Variants in DCTN5 observed in about 807,000 individuals in gnomAD.
DCTN5 encodes dynactin 4.
DCTN5 carries 14 observed loss-of-function variants against 23.5 expected under a neutral mutation model. The observed-to-expected ratio is 0.60, with a 90% CI of 0.39 to 0.93. The LOEUF (loss-of-function observed/expected upper bound fraction) is 0.93, where lower values mean the gene tolerates loss of function less well. DCTN5 is among the 40% of genes least tolerant of loss of function. DCTN5 has a pLI of 0.00. For missense variants in DCTN5, 156 were observed against 225.9 expected (o/e 0.69, Z 1.98); for synonymous variants, 67 against 79.6 (o/e 0.84, Z 0.84).
At chr16:23,645,137 A>ATATTT (rs1555462995) in intron 2 of DCTN5, among the ~76,000 whole-genome samples, 4 of 30,798 alleles carry the variant, frequency 1.3e-4, no homozygotes, top group Non-Finnish European at 1.7e-4. Context: ...ATATATATAT[A>ATATTT]TTTTTTTTTT....
intron 4 of DCTN5, among the ~76,000 whole-genome samples, chr16:23,664,862 A>G (rs1967876854): frequency 6.6e-6 from 1 of 152,248 alleles, no homozygotes; most frequent in Admixed American, 6.5e-5. Context: ...AAACCAACCA[A>G]CCAACCTTAA....
At position 23,672,375 on chromosome 16, in the gene DCTN5, T is replaced by C. The variant is rs1319627918; in HGVS notation, c.*5231T>C. The C allele has an allele frequency of 6.6e-6, 1 of 152,218 alleles. No homozygotes were observed. Among genetic ancestry groups the C allele is most frequent in the Non-Finnish European group, 1.5e-5 (1 of 68,040 alleles). 9.4% of individuals were successfully genotyped at this position (152,218 alleles called of 1,614,324 possible). A position where few individuals can be genotyped will look rare whatever the true frequency, so the allele number is the denominator to read the frequency against. On this transcript the variant is annotated 3_prime_UTR_variant, in exon 6 of 6. Coordinates refer to ENST00000300087, the MANE Select transcript of DCTN5 (RefSeq NM_032486.4). ...ATAATGGGCACTTTATCCCATTTTA[T>C]AAACATGGAAATTGAGGCACAGAGA... is the stretch of plus-strand genomic sequence containing the variant.
At position 23,667,084 on chromosome 16, in the gene DCTN5, G is replaced by A; in HGVS notation, c.489G>A (p.Glu163=). 6.2e-7 allele frequency: 1 copy of A among 1,613,578 alleles called. No individual in the cohort carries two copies. The highest frequency in any genetic ancestry group is 8.5e-7 in the Non-Finnish European group (1 of 1,180,026). ...GGGAGCTCCCGGAGTGCACTCAGGA[G>A]CTGATGATTGACGTCACCAAGAGCT... ...FSGELPECTQ[E]LMIDVTKSYY... Residue 163 remains glutamate (E), a synonymous_variant, in exon 6 of 6, where the codon GAG becomes GAA. Coordinates refer to ENST00000300087, the MANE Select transcript of DCTN5 (RefSeq NM_032486.4).
At chr16:23,658,768 T>C (rs1967759003) in intron 3 of DCTN5, 143 bp downstream of exon 3, 2 of 683,386 alleles carry the variant, frequency 2.9e-6, no homozygotes, top group Non-Finnish European at 5.2e-6. Flanking sequence ...AACACAACTC[T>C]GCTGGTGGTT....
At chr16:23,647,866 A>T (rs1007698494) in intron 2 of DCTN5, among the ~76,000 whole-genome samples, 1 of 152,174 alleles carries the variant, frequency 6.6e-6, no homozygotes, top group Non-Finnish European at 1.5e-5. Context: ...AAAAGAATAT[A>T]TGTGACATAT....
In DCTN5 at chr16:23,671,345, C is replaced by T. The variant is rs1034661083; in HGVS notation, c.*4201C>T. ...AGGAAGTGATACACCTTGAGCAAAA[C>T]CCCTTAGAGTATAAGGCATAGCATT... On this transcript the variant is annotated 3_prime_UTR_variant, in exon 6 of 6. Coordinates refer to ENST00000300087, the MANE Select transcript of DCTN5 (RefSeq NM_032486.4). The T allele has an allele frequency of 6.6e-6, 1 of 152,138 alleles. No homozygotes were observed. Among genetic ancestry groups the T allele is most frequent in the Non-Finnish European group, 1.5e-5 (1 of 68,036 alleles). 9.4% of individuals were successfully genotyped at this position (152,138 alleles called of 1,614,324 possible).
At chr16:23,662,618 A>T (rs1967835056) in intron 4 of DCTN5, among the ~76,000 whole-genome samples, 1 of 152,220 alleles carries the variant, frequency 6.6e-6, no homozygotes, top group African/African-American at 2.4e-5. Context: ...GAAATATCAA[A>T]AAACTTGCAG....
intron 1 of DCTN5, 95 bp downstream of exon 1, chr16:23,641,685 CT>C (rs1269058357): frequency 3.0e-6 from 4 of 1,329,890 alleles, no homozygotes; most frequent in Admixed American, 1.8e-5. Flanking sequence ...CCACCAACCC[CT>C]GTCCCTTTGG....
intron 2 of DCTN5, among the ~76,000 whole-genome samples, chr16:23,651,956 AC>A (rs1392990050): frequency 2.6e-5 from 4 of 152,174 alleles, no homozygotes; most frequent in Admixed American, 1.3e-4. Flanking sequence ...AATCACTTGA[AC>A]CTGGGAGGCA....
At chr16:23,647,953 C>A (rs1053314511) in intron 2 of DCTN5, among the ~76,000 whole-genome samples, 1 of 152,126 alleles carries the variant, frequency 6.6e-6, no homozygotes, top group Admixed American at 6.6e-5. Flanking sequence ...AATCTGTATA[C>A]AATAAGTACT....
At chr16:23,661,610 C>T (rs1264471289) in intron 4 of DCTN5, among the ~76,000 whole-genome samples, 3 of 151,914 alleles carry the variant, frequency 2.0e-5, no homozygotes, top group African/African-American at 7.3e-5. Flanking sequence ...CCCAGCTACT[C>T]GGGAGGCTGA....
intron 2 of DCTN5, among the ~76,000 whole-genome samples, chr16:23,648,478 T>C (rs1240566508): frequency 6.6e-6 from 1 of 151,484 alleles, no homozygotes; most frequent in Non-Finnish European, 1.5e-5. Context: ...ATCTCCTGAA[T>C]AGCTGGGATT....
At chr16:23,660,657 G>T (rs982457559) in intron 3 of DCTN5, among the ~76,000 whole-genome samples, 1 of 152,228 alleles carries the variant, frequency 6.6e-6, no homozygotes, top group East Asian at 1.9e-4. Flanking sequence ...CAAGCTGCTC[G>T]TGGACAGTGT....
Position 23,651,091 on chromosome 16 carries a change from G to T in DCTN5, c.118-7416G>T, listed in dbSNP as rs1005497784. On this transcript the variant is annotated intron_variant, in intron 2 of 5. Transcript: ENST00000300087. ...AATGCCACGTGTCCTTCCTGTAGGAGATAGCTAAAAAAAATTAAAAGAAAT... is the reference window on the plus strand; with the variant it reads ...AATGCCACGTGTCCTTCCTGTAGGATATAGCTAAAAAAAATTAAAAGAAAT... 4 of 1,340,608 alleles carry T rather than the reference G, an allele frequency of 3.0e-6. No individual in the cohort carries two copies. The African/African-American group carries it at 5.8e-5, about 20-fold the overall frequency. The allele number at this position is 1,340,608 out of a possible 1,614,324, so 83.0% of individuals were successfully genotyped here.
rs1279426319 is a variant in DCTN5, at chr16:23,667,376, A to G, written c.*232A>G. 19 of 545,910 alleles carry G rather than the reference A, an allele frequency of 3.5e-5. No individual in the cohort carries two copies. In the Admixed American group the frequency reaches 5.9e-4, roughly 17 times the overall value. 33.8% of individuals were successfully genotyped at this position (545,910 alleles called of 1,614,324 possible). On this transcript the variant is annotated 3_prime_UTR_variant, in exon 6 of 6. Transcript: ENST00000300087. ...CAAATGCTGTGCTTACACCTTATCT[A>G]TGAACAGTCACTTTGTACCATTATC...
intron 2 of DCTN5, among the ~76,000 whole-genome samples, 163 bp downstream of exon 2, chr16:23,643,186 GT>G (rs199556350): frequency 5.4e-5 from 8 of 147,554 alleles, no homozygotes; most frequent in South Asian, 4.3e-4. Flanking sequence ...TCTCCTTTTT[GT>G]TTTTTTTTTG....
chr16:23,650,972 A>AT, intron 2 of DCTN5: 1 of 1,403,786 alleles, frequency 7.1e-7, no homozygotes, highest in South Asian at 1.5e-5. Flanking sequence ...AGAGCGTCTG[A>AT]TTCTTTTTCA....
chr16:23,667,099 C>T lies in DCTN5; in HGVS notation c.504C>T (p.Val168=). The change falls in exon 6 of 6, where the codon GTC becomes GTT. Residue 168 remains valine, a synonymous_variant. Coordinates refer to ENST00000300087, the MANE Select transcript of DCTN5 (RefSeq NM_032486.4). ...GCACTCAGGAGCTGATGATTGACGT[C>T]ACCAAGAGCTACTACCAGAAGTTTT... is the stretch of plus-strand genomic sequence containing the variant. ...PECTQELMID[V]TKSYYQKFLP... is the part of the protein sequence containing the mutation. The T allele has an allele frequency of 6.2e-7, 1 of 1,613,358 alleles. No homozygotes were observed. The highest frequency in any genetic ancestry group is 8.5e-7 in the Non-Finnish European group (1 of 1,180,022).
intron 4 of DCTN5, among the ~76,000 whole-genome samples, chr16:23,662,194 A>G (rs976199591): frequency 5.3e-5 from 8 of 152,146 alleles, no homozygotes; most frequent in African/African-American, 1.9e-4. Flanking sequence ...TTACAGTCTA[A>G]TGGGAGTAAG....
Sources: gnomAD v4.1 joint callset for allele counts (sites outside exome capture counted in the v4.1 genomes callset) on GRCh38, gnomAD v4.1.1 for gene constraint, MANE v1.5 for transcripts, NCBI Gene and HGNC (gene_info 2026-07-23, HGNC 2026-07-21) for gene names.